PAQR3: variants seen among roughly 807,000 people sequenced by gnomAD.
PAQR3 encodes the protein progestin and adipoQ receptor family member 3.
PAQR3 carries 39 observed loss-of-function variants against 41.7 expected under a neutral mutation model. The observed-to-expected ratio is 0.93, with a 90% CI of 0.72 to 1.22. The LOEUF (loss-of-function observed/expected upper bound fraction) is 1.22. Ranked by LOEUF, PAQR3 falls within the 50% of genes most tolerant of loss-of-function variation. PAQR3 has a pLI of 0.00. For synonymous variants in PAQR3, 140 were observed against 140.6 expected, an observed-to-expected ratio of 1.00 and a Z score of 0.03; for missense variants, 366 against 385.6, an observed-to-expected ratio of 0.95 and a Z score of 0.42.
chr4:78,923,862 A>G lies in PAQR3; in HGVS notation c.788T>C (p.Phe263Ser). The change falls in exon 5 of 6, where the codon TTT becomes TCT. Residue 263 changes from phenylalanine (F) to serine (S), a missense_variant. Physicochemically the swap from Phe to Ser is radical, Grantham distance 155. Transcript: ENST00000512733. ...GCTATAAAAGAGATACCTACCTGGAAAGTACCGCTCTGGGACTTTGGAAAT... is the reference window on the plus strand; with the variant it reads ...GCTATAAAAGAGATACCTACCTGGAGAGTACCGCTCTGGGACTTTGGAAAT... ...FYISKVPERY[F>S]PGQLNYLGSS... is the part of the protein sequence containing the mutation. 6.2e-7 allele frequency: 1 copy of G among 1,607,554 alleles called. No individual in the cohort carries two copies. The highest frequency in any genetic ancestry group is 8.5e-7 in the Non-Finnish European group (1 of 1,174,196).
intron 11 of PAQR3, among the ~76,000 whole-genome samples, chr4:78,905,049 AT>A (rs942286981): frequency 7.3e-5 from 11 of 151,504 alleles, no homozygotes; most frequent in African/African-American, 1.5e-4. Flanking sequence ...TCCTATTTTG[AT>A]TTTTTTTCAC....
rs1425576111 is a variant in PAQR3 at position 78,918,975 on chromosome 4, C to T, written c.*1564G>A. ...AAACAGCCATTTTCAAAGCAGCCTT[C>T]CATCATAACGATGGGTAAGACACGG... On this transcript the variant is annotated 3_prime_UTR_variant, in exon 6 of 6. Transcript: ENST00000512733. The T allele has an allele frequency of 1.0e-6, 1 of 984,906 alleles. No individual in the cohort carries two copies. The highest frequency in any genetic ancestry group is 1.2e-6 in the Non-Finnish European group (1 of 829,706). 61.0% of individuals were successfully genotyped at this position (984,906 alleles called of 1,614,324 possible).
intron 10 of PAQR3, among the ~76,000 whole-genome samples, chr4:78,906,430 G>A (rs987655816): frequency 1.3e-5 from 2 of 152,118 alleles, no homozygotes; most frequent in African/African-American, 4.8e-5. Flanking sequence ...CGTACTATTT[G>A]CAGATGTAAC....
chr4:78,929,880 C>T (rs896959203), intron 3 of PAQR3, among the ~76,000 whole-genome samples: 15 of 152,056 alleles, frequency 9.9e-5, no homozygotes, highest in African/African-American at 1.7e-4. Flanking sequence ...TGAGGAACCA[C>T]GCAGCCATAT....
intron 11 of PAQR3, among the ~76,000 whole-genome samples, chr4:78,895,116 A>G (rs981119152): frequency 1.6e-4 from 25 of 152,216 alleles, no homozygotes; most frequent in African/African-American, 5.1e-4. Context: ...AAAGTTTTAA[A>G]TATTGTAAGA....
downstream of PAQR3, chr4:78,911,266 G>A (rs1734580253): frequency 3.0e-5 from 48 of 1,613,874 alleles, no homozygotes; most frequent in Non-Finnish European, 4.0e-5. Flanking sequence ...TAGCAAGAAG[G>A]TGAATGTACA....
Position 78,917,185 on chromosome 4 carries a change from G to A in PAQR3, c.*3354C>T, listed in dbSNP as rs1735164764. 6.6e-6 allele frequency: 1 copy of A among 151,890 alleles called. No individual in the cohort carries two copies. Among genetic ancestry groups the A allele is most frequent in the Non-Finnish European group, 1.5e-5 (1 of 67,864 alleles). 9.4% of individuals were successfully genotyped at this position (151,890 alleles called of 1,614,324 possible). A position where few individuals can be genotyped will look rare whatever the true frequency, so the allele number is the denominator to read the frequency against. On this transcript the variant is annotated 3_prime_UTR_variant, in exon 6 of 6. Transcript: ENST00000512733. ...CGAATACCTTTTTAAGGAAGCCCAG[G>A]TCAAGCATCATATGTAACATGTAGT...
chr4:78,916,406 CTT>C lies in PAQR3; in HGVS notation c.*4131_*4132del, dbSNP rs893102619. ...TTTTTCATTATTTGTCTTATTATGA[CTT>C]TTGGATGTAAACTTCTATTCAAATT... On this transcript the variant is annotated 3_prime_UTR_variant, in exon 6 of 6. Transcript: ENST00000512733. 2 of 151,816 alleles carry C rather than the reference CTT, an allele frequency of 1.3e-5. No homozygotes were observed. Among genetic ancestry groups the C allele is most frequent in the Non-Finnish European group, 2.9e-5 (2 of 67,868 alleles). 9.4% of individuals were successfully genotyped at this position (151,816 alleles called of 1,614,324 possible).
At chr4:78,928,247 G>A (rs1736449716) in intron 3 of PAQR3, among the ~76,000 whole-genome samples, 1 of 152,142 alleles carries the variant, frequency 6.6e-6, no homozygotes, top group African/African-American at 2.4e-5. Context: ...CTGGTTATTA[G>A]TATGTTCTAA....
In PAQR3 at chr4:78,935,266, T is replaced by C. The variant is rs1191719250; in HGVS notation, c.203A>G (p.Asn68Ser). Reference protein sequence around the residue: ...LCIKSLFILSNETVNIWSHLL... With the variant: ...LCIKSLFILSSETVNIWSHLL... Reference sequence around the variant, plus strand: ...ATGACTCCAGATGTTTACTGTCTCATTAGATAAAATAAACAAACTGGAAAA... The same window carrying C: ...ATGACTCCAGATGTTTACTGTCTCACTAGATAAAATAAACAAACTGGAAAA... Residue 68 changes from asparagine to serine, a missense_variant, in exon 2 of 6, where the codon AAT (asparagine) becomes AGT (serine). Coordinates refer to ENST00000512733, the MANE Select transcript of PAQR3 (RefSeq NM_001040202.2). 2 of 1,609,230 alleles carry C rather than the reference T, an allele frequency of 1.2e-6. No homozygotes were observed.
intron 1 of PAQR3, 55 bp from the exon 2 acceptor site, chr4:78,935,338 G>A (rs1737318307): frequency 1.5e-5 from 23 of 1,521,758 alleles, no homozygotes; most frequent in South Asian, 2.4e-5. Context: ...TTACTGTCAC[G>A]TTCAAAGGTT....
At chr4:78,907,807 T>G (rs144734282), downstream of PAQR3, among the ~76,000 whole-genome samples, 72 of 152,198 alleles carry the variant, frequency 4.7e-4, 1 homozygote, top group East Asian at 8.5e-3. Flanking sequence ...CAGAATACAC[T>G]TTGGGCAACA....
chr4:78,933,101 A>AGTGAAG (rs1737073831), intron 2 of PAQR3: 1 of 452,678 alleles, frequency 2.2e-6, no homozygotes, highest in Non-Finnish European at 4.4e-6. Context: ...GTGCTAAGAA[A>AGTGAAG]GTGTGTCTTG....
downstream of PAQR3, chr4:78,911,827 G>T: frequency 6.2e-7 from 1 of 1,613,952 alleles, no homozygotes; most frequent in Non-Finnish European, 8.5e-7. Context: ...CATCCGTGCT[G>T]ATCACAATAC....
intron 2 of PAQR3, among the ~76,000 whole-genome samples, chr4:78,933,404 G>A (rs980543437): frequency 2.0e-5 from 3 of 149,152 alleles, no homozygotes; most frequent in Non-Finnish European, 3.0e-5. Flanking sequence ...ATCTGGTTGC[G>A]AGGAAAGCAC....
intron 2 of PAQR3, among the ~76,000 whole-genome samples, chr4:78,934,307 A>C (rs1249987986): frequency 6.6e-6 from 1 of 152,218 alleles, no homozygotes; most frequent in Non-Finnish European, 1.5e-5. Flanking sequence ...ACATGATGAA[A>C]GCGACATTTG....
Position 78,919,456 on chromosome 4 carries a change from C to G in PAQR3, c.*1083G>C. On this transcript the variant is annotated 3_prime_UTR_variant, in exon 6 of 6. Coordinates refer to ENST00000512733, the MANE Select transcript of PAQR3 (RefSeq NM_001040202.2). The stretch of plus-strand genomic sequence containing the variant: ...AAAAGAAAGTTTAATGCTTCAGGCC[C>G]AAATATTAAGTGTTTATCAAGATTC... 1 of 984,724 alleles carries G rather than the reference C, an allele frequency of 1.0e-6. No individual in the cohort carries two copies. The highest frequency in any genetic ancestry group is 1.2e-6 in the Non-Finnish European group (1 of 829,518). The allele number at this position is 984,724 out of a possible 1,614,324, so 61.0% of individuals were successfully genotyped here.
In PAQR3 at chr4:78,916,930, C is replaced by T. The variant is rs1735139453; in HGVS notation, c.*3609G>A. 1 of 151,778 alleles carries T rather than the reference C, an allele frequency of 6.6e-6. No individual in the cohort carries two copies. Among genetic ancestry groups the T allele is most frequent in the Admixed American group, 6.6e-5 (1 of 15,204 alleles). 9.4% of individuals were successfully genotyped at this position (151,778 alleles called of 1,614,324 possible). A position where few individuals can be genotyped will look rare whatever the true frequency, so the allele number is the denominator to read the frequency against. On this transcript the variant is annotated 3_prime_UTR_variant, in exon 6 of 6. Coordinates refer to ENST00000512733, the MANE Select transcript of PAQR3 (RefSeq NM_001040202.2). ...TTGGTAGCCTGTGGAAAGGTTCATCCTATTTTTATGAATTAACTTTTTCTG... is the reference window on the plus strand; with the variant it reads ...TTGGTAGCCTGTGGAAAGGTTCATCTTATTTTTATGAATTAACTTTTTCTG...
rs1395551552 is a variant in PAQR3 at position 78,914,205 on chromosome 4, A to G, written c.*6334T>C. 1 of 152,120 alleles carries G rather than the reference A, an allele frequency of 6.6e-6. No individual in the cohort carries two copies. Among genetic ancestry groups the G allele is most frequent in the Non-Finnish European group, 1.5e-5 (1 of 67,968 alleles). 9.4% of individuals were successfully genotyped at this position (152,120 alleles called of 1,614,324 possible). ...ATGAACTAATGTCTCCTTCAGATGT[A>G]AACATGAAATACCTAGAGTTTTACT... On this transcript the variant is annotated 3_prime_UTR_variant, in exon 6 of 6. Transcript: ENST00000512733.
Sources: gnomAD v4.1 joint callset for allele counts (sites outside exome capture counted in the v4.1 genomes callset) on GRCh38, gnomAD v4.1.1 for gene constraint, MANE v1.5 for transcripts, NCBI Gene and HGNC (gene_info 2026-07-23, HGNC 2026-07-21) for gene names.